The following MAPK4 variants were observed in gnomAD, a reference collection of about 807,000 sequenced individuals.
The protein encoded by MAPK4 is mitogen-activated protein kinase 4.
A neutral mutation model predicts 47.7 loss-of-function variants in MAPK4; 22 were observed. The observed-to-expected ratio is 0.46, with a 90% CI of 0.33 to 0.66. MAPK4 has a LOEUF of 0.66. Among genes scored for constraint, MAPK4 ranks in the 30% least tolerant of loss-of-function variants. The pLI, the probability that MAPK4 is intolerant of heterozygous loss-of-function variation, is 0.02. For synonymous variants in MAPK4, 390 were observed against 365.7 expected, an observed-to-expected ratio of 1.07 and a Z score of -0.76; for missense variants, 736 against 831.7, an observed-to-expected ratio of 0.88 and a Z score of 1.42.
chr18:50,635,739 C>T (rs1360761664), intron 1 of MAPK4, among the ~76,000 whole-genome samples: 1 of 152,180 alleles, frequency 6.6e-6, no homozygotes, highest in Non-Finnish European at 1.5e-5. Flanking sequence ...CAACAAGGCC[C>T]CTGCAGTCTG....
intron 1 of MAPK4, among the ~76,000 whole-genome samples, chr18:50,600,678 T>G (rs1390011380): frequency 6.6e-6 from 1 of 152,200 alleles, no homozygotes; most frequent in East Asian, 1.9e-4. Context: ...ACTTTCTGTT[T>G]TAAGTTCAGT....
chr18:50,699,952 T>G (rs1435951466), intron 2 of MAPK4, among the ~76,000 whole-genome samples: 1 of 152,186 alleles, frequency 6.6e-6, no homozygotes, highest in Non-Finnish European at 1.5e-5. Flanking sequence ...AGCACATGGG[T>G]ATGTATCATC....
At position 50,633,356 on chromosome 18, in the gene MAPK4, C is replaced by T. The variant is rs1006426383; in HGVS notation, c.-870-29733C>T. 1.3e-5 allele frequency among the ~76,000 whole-genome samples: 2 copies of T among 152,250 alleles called. 1 individual carries two copies. The highest frequency in any genetic ancestry group is 4.1e-4 in the South Asian group (2 of 4,836). ...TGAGCCACTGTGCCCATCCCACCCTCGCTGGACCCAGTAAGAGTGCCTGGG... is the reference window on the plus strand; with the variant it reads ...TGAGCCACTGTGCCCATCCCACCCTTGCTGGACCCAGTAAGAGTGCCTGGG... On this transcript the variant is annotated intron_variant, in intron 1 of 5. Coordinates refer to ENST00000400384, the MANE Select transcript of MAPK4 (RefSeq NM_002747.4).
chr18:50,660,828 G>A (rs1027458842), intron 1 of MAPK4, among the ~76,000 whole-genome samples: 9 of 152,182 alleles, frequency 5.9e-5, no homozygotes, highest in Admixed American at 3.9e-4. Context: ...CAGCCCACAA[G>A]AAAGGTGGAG....
At chr18:50,571,481 C>T (rs2042249409) in intron 1 of MAPK4, among the ~76,000 whole-genome samples, 2 of 152,190 alleles carry the variant, frequency 1.3e-5, no homozygotes, top group African/African-American at 4.8e-5. Context: ...GAAAGCCCTA[C>T]CAGCCATAAG....
intron 2 of MAPK4, among the ~76,000 whole-genome samples, chr18:50,688,553 G>A (rs1909015596): frequency 6.6e-6 from 1 of 152,206 alleles, no homozygotes; most frequent in South Asian, 2.1e-4. Flanking sequence ...AGAATCTGTG[G>A]ATGAATTCTG....
At chr18:50,590,205 T>C (rs962918970) in intron 1 of MAPK4, among the ~76,000 whole-genome samples, 2 of 152,248 alleles carry the variant, frequency 1.3e-5, no homozygotes, top group African/African-American at 4.8e-5. Flanking sequence ...TTCTTGGGAA[T>C]AAAGCCTCTG....
chr18:50,664,366 G>A lies in MAPK4; in HGVS notation c.408G>A (p.Gly136=). 1 of 1,613,926 alleles carries A rather than the reference G, an allele frequency of 6.2e-7. No homozygotes were observed. Among genetic ancestry groups the A allele is most frequent in the Non-Finnish European group, 8.5e-7 (1 of 1,180,034 alleles). The change falls in exon 2 of 6, where the codon GGG becomes GGA. Residue 136 remains glycine (G), a synonymous_variant. Coordinates refer to ENST00000400384, the MANE Select transcript of MAPK4 (RefSeq NM_002747.4). The surrounding 1 kb of genome is among the most constrained non-coding windows in gnomAD (Gnocchi z 6.0). ...AKLFMYQLLR[G]LKYIHSANVL... ...TGTTCATGTACCAGCTGCTCCGCGGGCTCAAGTACATCCACTCCGCCAACG... is the reference window on the plus strand; with the variant it reads ...TGTTCATGTACCAGCTGCTCCGCGGACTCAAGTACATCCACTCCGCCAACG...
chr18:50,634,726 G>A lies in MAPK4; in HGVS notation c.-870-28363G>A, dbSNP rs556334371. ...ACAACTAGGAACCAGGAATTACCAA[G>A]GATGAAAATATATTGGTTTAATATC... On this transcript the variant is annotated intron_variant, in intron 1 of 5. Transcript: ENST00000400384. Among the ~76,000 whole-genome samples, 22 of 152,280 alleles carry A rather than the reference G, an allele frequency of 1.4e-4. 1 individual carries two copies. The South Asian group carries it at 4.1e-3, about 29-fold the overall frequency.
chr18:50,590,587 C>T (rs1207290882), intron 1 of MAPK4, among the ~76,000 whole-genome samples: 1 of 152,196 alleles, frequency 6.6e-6, no homozygotes, highest in Admixed American at 6.5e-5. Context: ...AGCTTTACTG[C>T]TGTGCTAAAA....
intron 2 of MAPK4, among the ~76,000 whole-genome samples, chr18:50,714,027 G>C (rs1910506494): frequency 6.6e-6 from 1 of 152,150 alleles, no homozygotes; most frequent in Non-Finnish European, 1.5e-5. Flanking sequence ...TAGGTCAAAA[G>C]CTCCTGGGTC....
chr18:50,676,166 C>T (rs2144298023), intron 2 of MAPK4, among the ~76,000 whole-genome samples: 1 of 152,304 alleles, frequency 6.6e-6, no homozygotes, highest in East Asian at 1.9e-4. Context: ...TTACCCTCAT[C>T]CCTTGTAGAT....
chr18:50,595,518 G>A (rs376194613), intron 1 of MAPK4, among the ~76,000 whole-genome samples: 2 of 152,170 alleles, frequency 1.3e-5, no homozygotes, highest in Admixed American at 6.5e-5. Context: ...AATCAGAACC[G>A]TCATTGCCTT....
At chr18:50,603,497 C>T (rs2042558190) in intron 1 of MAPK4, among the ~76,000 whole-genome samples, 1 of 151,986 alleles carries the variant, frequency 6.6e-6, no homozygotes, top group South Asian at 2.1e-4. Context: ...GGGGTTCCTG[C>T]AGGATCCATG....
chr18:50,687,878 G>A (rs925248407), intron 2 of MAPK4, among the ~76,000 whole-genome samples: 3 of 152,140 alleles, frequency 2.0e-5, no homozygotes, highest in Non-Finnish European at 4.4e-5. Flanking sequence ...TGGAGGCAGG[G>A]ACTAATTTCA....
At position 50,628,300 on chromosome 18, in the gene MAPK4, C is replaced by T. The variant is rs57287855; in HGVS notation, c.-870-34789C>T. Among the ~76,000 whole-genome samples the T allele has an allele frequency of 2.5e-3, 379 of 152,300 alleles. 2 individuals carry two copies. Among genetic ancestry groups the T allele is most frequent in the African/African-American group, 8.4e-3 (350 of 41,564 alleles). On this transcript the variant is annotated intron_variant, in intron 1 of 5. Coordinates refer to ENST00000400384, the MANE Select transcript of MAPK4 (RefSeq NM_002747.4). ...TCGGGTTCGCTGTTTCCAAATCCAA[C>T]ATCTGATCGCTTTAGGAGGCCAAGG...
chr18:50,661,001 G>A (rs995940623), intron 1 of MAPK4, among the ~76,000 whole-genome samples: 5 of 152,032 alleles, frequency 3.3e-5, no homozygotes, highest in East Asian at 1.9e-4. Flanking sequence ...TTAATTATTC[G>A]CTGATTATCT....
At position 50,614,822 on chromosome 18, in the gene MAPK4, T is replaced by C. The variant is rs113608491; in HGVS notation, c.-870-48267T>C. 2.7e-3 allele frequency among the ~76,000 whole-genome samples: 407 copies of C among 152,364 alleles called. 2 individuals are homozygous for C. The highest frequency in any genetic ancestry group is 9.2e-3 in the African/African-American group (383 of 41,594). On this transcript the variant is annotated intron_variant, in intron 1 of 5. Transcript: ENST00000400384. ...ACTGGTAGAATCAAGAATTGGAATA[T>C]GAATAGAATCAAGAAAATGAGGATT...
chr18:50,604,680 A>G (rs2042568163), intron 1 of MAPK4, among the ~76,000 whole-genome samples: 1 of 152,208 alleles, frequency 6.6e-6, no homozygotes. Context: ...GACCTTATCC[A>G]CTGTTAGGTT....
Sources: allele counts gnomAD v4.1 joint callset (sites outside exome capture counted in the v4.1 genomes callset), GRCh38; gene constraint gnomAD v4.1.1; non-coding constraint Gnocchi (gnomAD v3.1); transcripts MANE v1.5; gene names NCBI Gene and HGNC (gene_info 2026-07-23, HGNC 2026-07-21).